The following DCDC1 variants were observed in gnomAD, a reference collection of about 807,000 sequenced individuals.
The protein encoded by DCDC1 is doublecortin domain-containing protein 1.
Under a neutral mutation model 178.3 loss-of-function variants are expected in DCDC1, and 200 were observed. The observed-to-expected ratio is 1.12, with a 90% CI of 1.00 to 1.26. The LOEUF (loss-of-function observed/expected upper bound fraction) is 1.26, where lower values mean the gene tolerates loss of function less well. DCDC1 is among the 50% of genes most tolerant of loss of function. DCDC1 has a pLI of 0.00. For synonymous variants in DCDC1, 690 were observed against 604.8 expected, an observed-to-expected ratio of 1.14 and a Z score of -2.07; for missense variants, 1,983 against 1,749.2, an observed-to-expected ratio of 1.13 and a Z score of -2.38.
chr11:30,939,824 C>G (rs1038001933), intron 21 of DCDC1, among the ~76,000 whole-genome samples: 3 of 152,084 alleles, frequency 2.0e-5, no homozygotes, highest in African/African-American at 7.2e-5. Context: ...TTTCACACTT[C>G]TTTTCTTATA....
chr11:31,331,595 G>A (rs1051479643), intron 2 of DCDC1, among the ~76,000 whole-genome samples: 1 of 152,200 alleles, frequency 6.6e-6, no homozygotes, highest in African/African-American at 2.4e-5. Context: ...ACAAAGGACT[G>A]TTGAATTTTG....
chr11:31,146,467 ACATG>A (rs1455402445), intron 9 of DCDC1, among the ~76,000 whole-genome samples: 3 of 152,234 alleles, frequency 2.0e-5, no homozygotes, highest in Middle Eastern at 3.4e-3. Context: ...TTAAGGTGCA[ACATG>A]GAAGAAGGGG....
intron 7 of DCDC1, among the ~76,000 whole-genome samples, chr11:31,272,725 C>T (rs550442644): frequency 1.6e-4 from 25 of 152,356 alleles, no homozygotes; most frequent in South Asian, 1.4e-3. Context: ...AGGGGGTTCC[C>T]ATGGTCTTGG....
intron 7 of DCDC1, among the ~76,000 whole-genome samples, chr11:31,286,380 A>AT (rs1491460208): frequency 6.6e-6 from 1 of 151,990 alleles, no homozygotes; most frequent in East Asian, 1.9e-4. Flanking sequence ...TATTCATAGC[A>AT]TATATATATG....
intron 11 of DCDC1, among the ~76,000 whole-genome samples, chr11:31,121,721 A>G (rs1960836005): frequency 1.3e-5 from 2 of 152,030 alleles, no homozygotes; most frequent in South Asian, 4.2e-4. Context: ...TGTTGGCTAC[A>G]ATACATTATT....
At chr11:30,900,641 G>T in intron 32 of DCDC1, 143 bp from the exon 33 acceptor site, 1 of 775,072 alleles carries the variant, frequency 1.3e-6, no homozygotes, top group East Asian at 3.2e-5. Context: ...AGAGACTAAT[G>T]CATAATTTTG....
At chr11:31,227,983 A>C (rs1303455885) in intron 9 of DCDC1, among the ~76,000 whole-genome samples, 1 of 152,086 alleles carries the variant, frequency 6.6e-6, no homozygotes, top group African/African-American at 2.4e-5. Flanking sequence ...TACAAACCCA[A>C]TAACAGCACT....
At chr11:31,173,949 G>C (rs1203339142) in intron 9 of DCDC1, among the ~76,000 whole-genome samples, 1 of 152,194 alleles carries the variant, frequency 6.6e-6, no homozygotes. Flanking sequence ...TAGCTGCAGT[G>C]GGGGAGGTTT....
At chr11:31,127,342 T>C (rs1037563645) in intron 11 of DCDC1, 127 bp downstream of exon 11, 1 of 522,758 alleles carries the variant, frequency 1.9e-6, no homozygotes, top group African/African-American at 1.9e-5. Flanking sequence ...ACTTGTAATA[T>C]TACCAGTTTG....
chr11:31,094,759 A>C (rs1189838081), intron 15 of DCDC1, among the ~76,000 whole-genome samples: 1 of 152,142 alleles, frequency 6.6e-6, no homozygotes, highest in Non-Finnish European at 1.5e-5. Context: ...AAAGCTATGG[A>C]GTCAGGTGGA....
intron 9 of DCDC1, among the ~76,000 whole-genome samples, chr11:31,230,999 G>A (rs1424734737): frequency 6.6e-6 from 1 of 151,644 alleles, no homozygotes; most frequent in Non-Finnish European, 1.5e-5. Flanking sequence ...TTGCTCTGTT[G>A]CCCAGGCTGG....
intron 9 of DCDC1, among the ~76,000 whole-genome samples, chr11:31,147,554 A>T (rs1021148747): frequency 2.0e-5 from 3 of 152,206 alleles, no homozygotes; most frequent in Non-Finnish European, 4.4e-5. Flanking sequence ...TGGTTATATT[A>T]ACCATTATAA....
At chr11:31,181,190 T>C (rs1046902589) in intron 9 of DCDC1, among the ~76,000 whole-genome samples, 1 of 152,150 alleles carries the variant, frequency 6.6e-6, no homozygotes, top group Non-Finnish European at 1.5e-5. Flanking sequence ...GCAGGACATA[T>C]CTGAAAGAAA....
At chr11:30,914,652 A>AG (rs1554967069) in intron 27 of DCDC1, among the ~76,000 whole-genome samples, 26 of 139,396 alleles carry the variant, frequency 1.9e-4, no homozygotes, top group African/African-American at 5.9e-4. Context: ...AAAAAAAAAA[A>AG]AGAGAGAGAG....
chr11:31,084,808 T>G (rs1348114444), intron 17 of DCDC1, among the ~76,000 whole-genome samples: 1 of 151,732 alleles, frequency 6.6e-6, no homozygotes, highest in Non-Finnish European at 1.5e-5. Context: ...GAACATTGAG[T>G]CTTCAGCCTC....
chr11:31,128,528 G>C (rs989585645), intron 10 of DCDC1, among the ~76,000 whole-genome samples: 1 of 152,092 alleles, frequency 6.6e-6, no homozygotes, highest in African/African-American at 2.4e-5. Flanking sequence ...TATTATGGTA[G>C]TGACCATAAG....
At chr11:30,876,754 A>G (rs896565680) in intron 38 of DCDC1, among the ~76,000 whole-genome samples, 4 of 152,148 alleles carry the variant, frequency 2.6e-5, no homozygotes, top group Admixed American at 2.0e-4. Flanking sequence ...GGAAAGTGAT[A>G]GGTACTTTTG....
intron 20 of DCDC1, among the ~76,000 whole-genome samples, chr11:30,992,279 C>T (rs1179333489): frequency 6.6e-6 from 1 of 152,150 alleles, no homozygotes; most frequent in Non-Finnish European, 1.5e-5. Flanking sequence ...ATAACAAGAT[C>T]CTGAAATGGT....
chr11:31,143,564 G>A (rs899502916), intron 9 of DCDC1, among the ~76,000 whole-genome samples: 3 of 152,128 alleles, frequency 2.0e-5, no homozygotes, highest in South Asian at 2.1e-4. Flanking sequence ...TGTGCCAAGA[G>A]CCCAGTCTTA....
Sources: gnomAD v4.1 joint callset for allele counts (sites outside exome capture counted in the v4.1 genomes callset) on GRCh38, gnomAD v4.1.1 for gene constraint, MANE v1.5 for transcripts, NCBI Gene and HGNC (gene_info 2026-07-23, HGNC 2026-07-21) for gene names.